Variants in MECOM observed in about 807,000 individuals in gnomAD.
MECOM encodes MDS1 and EVI1 complex locus, also known as histone-lysine N-methyltransferase MECOM.
MECOM carries 13 observed loss-of-function variants against 116.3 expected under a neutral mutation model. That is an observed-to-expected ratio of 0.11 (90% CI 0.07 to 0.18). The LOEUF (loss-of-function observed/expected upper bound fraction) is 0.18, where lower values mean the gene tolerates loss of function less well. Ranked by LOEUF, MECOM falls within the 10% of genes least tolerant of loss-of-function variation. The probability of loss-of-function intolerance (pLI) is 1.00; values close to 1 mark genes in which losing one functional copy is unlikely to be tolerated. For missense variants in MECOM, 1,299 were observed against 1,509.0 expected, an observed-to-expected ratio of 0.86 and a Z score of 2.31; for synonymous variants, 528 against 535.2, an observed-to-expected ratio of 0.99 and a Z score of 0.19.
chr3:169,150,125 G>T (rs1279187975), intron 2 of MECOM, among the ~76,000 whole-genome samples: 1 of 152,024 alleles, frequency 6.6e-6, no homozygotes, highest in African/African-American at 2.4e-5. Context: ...TTAAAGATAG[G>T]GTTCTGAAAT....
chr3:169,248,483 T>C (rs566421967), intron 2 of MECOM, among the ~76,000 whole-genome samples: 1 of 152,336 alleles, frequency 6.6e-6, no homozygotes, highest in South Asian at 2.1e-4. Context: ...CAGGGATGCA[T>C]TTCTAGGCAC....
chr3:169,637,244 A>T (rs1772906551), intron 1 of MECOM, among the ~76,000 whole-genome samples: 1 of 152,164 alleles, frequency 6.6e-6, no homozygotes, highest in Admixed American at 6.5e-5. Flanking sequence ...TGGTCTTCTA[A>T]TGACTGCAGC....
intron 1 of MECOM, among the ~76,000 whole-genome samples, chr3:169,580,772 T>C (rs73174363): frequency 0.02 from 3,088 of 152,338 alleles, 47 homozygotes; most frequent in Non-Finnish European, 0.033. Context: ...GCAGATTGTG[T>C]GTTCTCTAGA....
At chr3:169,363,342 T>C (rs1385907293) in intron 2 of MECOM, among the ~76,000 whole-genome samples, 2 of 152,024 alleles carry the variant, frequency 1.3e-5, no homozygotes, top group East Asian at 1.9e-4. Context: ...CTTTATCTCC[T>C]GTGAAGGCTA....
intron 1 of MECOM, among the ~76,000 whole-genome samples, chr3:169,614,628 T>C (rs1292958293): frequency 2.0e-5 from 3 of 152,074 alleles, no homozygotes; most frequent in Non-Finnish European, 2.9e-5. Flanking sequence ...GCTACAACCA[T>C]GTATTATGTA....
At chr3:169,285,266 G>A (rs1203612039) in intron 2 of MECOM, among the ~76,000 whole-genome samples, 8 of 152,090 alleles carry the variant, frequency 5.3e-5, no homozygotes, top group East Asian at 1.9e-4. Flanking sequence ...AGCTGCAGAC[G>A]CTCTGCAGCC....
At chr3:169,660,729 A>G (rs1262222870) in intron 1 of MECOM, among the ~76,000 whole-genome samples, 1 of 152,216 alleles carries the variant, frequency 6.6e-6, no homozygotes, top group Non-Finnish European at 1.5e-5. Flanking sequence ...GGATGATTGC[A>G]CCGCAGGGGT....
chr3:169,086,871 A>G (rs993560005), intron 16 of MECOM, among the ~76,000 whole-genome samples: 1 of 152,208 alleles, frequency 6.6e-6, no homozygotes, highest in African/African-American at 2.4e-5. Flanking sequence ...TAGATTCTAG[A>G]AAATGGCAAA....
chr3:169,277,209 A>G (rs1237443118), intron 2 of MECOM, among the ~76,000 whole-genome samples: 1 of 152,186 alleles, frequency 6.6e-6, no homozygotes, highest in Non-Finnish European at 1.5e-5. Flanking sequence ...CATCCTTAGT[A>G]TTACAGGTGA....
At chr3:169,615,271 T>C (rs1292939889) in intron 1 of MECOM, among the ~76,000 whole-genome samples, 1 of 152,244 alleles carries the variant, frequency 6.6e-6, no homozygotes, top group Non-Finnish European at 1.5e-5. Flanking sequence ...ACAAGAACCC[T>C]GTCTTATTCA....
At chr3:169,166,697 GTAAAC>G (rs1429521321) in intron 2 of MECOM, among the ~76,000 whole-genome samples, 3 of 152,006 alleles carry the variant, frequency 2.0e-5, no homozygotes, top group Admixed American at 2.0e-4. Context: ...ATCCAAAAGA[GTAAAC>G]TAAGAGTTCA....
intron 2 of MECOM, among the ~76,000 whole-genome samples, chr3:169,199,848 GT>G (rs1417485042): frequency 2.0e-5 from 3 of 152,000 alleles, no homozygotes; most frequent in Admixed American, 2.0e-4. Context: ...ATATTTACAT[GT>G]TTTCAAAGGT....
At chr3:169,112,331 A>T (rs545467083) in intron 9 of MECOM, among the ~76,000 whole-genome samples, 1 of 152,252 alleles carries the variant, frequency 6.6e-6, no homozygotes, top group Admixed American at 6.5e-5. Context: ...AGTGGTCTCT[A>T]GATAAATTCC....
At chr3:169,420,839 C>T (rs191773937) in intron 1 of MECOM, among the ~76,000 whole-genome samples, 2 of 152,178 alleles carry the variant, frequency 1.3e-5, no homozygotes, top group East Asian at 1.9e-4. Context: ...CATGAACATG[C>T]ACTTTGAAAT....
chr3:169,259,515 G>A (rs1023357151), intron 2 of MECOM, among the ~76,000 whole-genome samples: 1 of 152,074 alleles, frequency 6.6e-6, no homozygotes, highest in Non-Finnish European at 1.5e-5. Context: ...TTCAGCCCAG[G>A]TGTTTGAGAC....
intron 8 of MECOM, among the ~76,000 whole-genome samples, chr3:169,114,574 T>C (rs537035183): frequency 6.6e-6 from 1 of 152,316 alleles, no homozygotes; most frequent in South Asian, 2.1e-4. Flanking sequence ...AGATGTTCCA[T>C]GAACTCTTGA....
rs186277345 is a variant in MECOM at position 169,284,941 on chromosome 3, G to A, written c.375+96246C>T. On this transcript the variant is annotated intron_variant, in intron 2 of 16. Transcript: ENST00000651503. ...GGGCAGTGACCCCACCTTTCAGGAA[G>A]TGGGAGAGGGGAGGTTGCCCTTCAC... Among the ~76,000 whole-genome samples the A allele has an allele frequency of 4.5e-3, 684 of 152,270 alleles. 10 individuals carry two copies. Among genetic ancestry groups the A allele is most frequent in the African/African-American group, 0.016 (647 of 41,556 alleles).
chr3:169,282,945 G>T (rs572453992), intron 2 of MECOM, among the ~76,000 whole-genome samples: 2 of 151,958 alleles, frequency 1.3e-5, no homozygotes, highest in South Asian at 2.1e-4. Flanking sequence ...CCACTTGAGA[G>T]ATCCCTTTTT....
chr3:169,200,051 G>A (rs1363811651), intron 2 of MECOM, among the ~76,000 whole-genome samples: 1 of 152,060 alleles, frequency 6.6e-6, no homozygotes, highest in African/African-American at 2.4e-5. Context: ...GAGTTAAGTA[G>A]ATTTACATGA....
Sources: allele counts gnomAD v4.1 joint callset (sites outside exome capture counted in the v4.1 genomes callset), GRCh38; gene constraint gnomAD v4.1.1; transcripts MANE v1.5; gene names NCBI Gene and HGNC (gene_info 2026-07-23, HGNC 2026-07-21).